The following NCAM1 variants were observed in gnomAD, a reference collection of about 807,000 sequenced individuals.
NCAM1 encodes the protein neural cell adhesion molecule 1, also known as antigen recognized by monoclonal antibody 5.1H11.
Under a neutral mutation model 109.8 loss-of-function variants are expected in NCAM1, and 14 were observed. The observed-to-expected ratio is 0.13, with a 90% CI of 0.08 to 0.20. The LOEUF (loss-of-function observed/expected upper bound fraction) is 0.20. NCAM1 is among the 10% of genes least tolerant of loss of function. The pLI is 1.00. For missense variants in NCAM1, 774 were observed against 1,109.9 expected (o/e 0.70, Z 4.30); for synonymous variants, 418 against 442.9 (o/e 0.94, Z 0.70).
At chr11:113,095,330 G>A (rs1226896154) in intron 1 of NCAM1, among the ~76,000 whole-genome samples, 3 of 152,140 alleles carry the variant, frequency 2.0e-5, no homozygotes, top group Non-Finnish European at 4.4e-5. Context: ...GTGTGTGTGT[G>A]TATATGTATG....
At chr11:113,082,104 A>G (rs1379688299) in intron 1 of NCAM1, among the ~76,000 whole-genome samples, 1 of 151,980 alleles carries the variant, frequency 6.6e-6, no homozygotes, top group Non-Finnish European at 1.5e-5. Context: ...CTTTTTTTCT[A>G]TTATCATTCT....
intron 1 of NCAM1, among the ~76,000 whole-genome samples, chr11:113,098,040 T>C (rs1939690059): frequency 6.6e-6 from 1 of 152,210 alleles, no homozygotes; most frequent in African/African-American, 2.4e-5. Context: ...TTTTCTAATA[T>C]TCATGCATTG....
Position 113,277,492 on chromosome 11 carries a change from TGA to T in NCAM1, c.*2109_*2110del. On this transcript the variant is annotated 3_prime_UTR_variant, in exon 20 of 20. Transcript: ENST00000316851. ...AGATCTTAGAGCACACAGTAGAATG[TGA>T]GAGCCTGGGTGTCTGAGACCGGGAG... 2.5e-6 allele frequency: 1 copy of T among 398,936 alleles called. No individual in the cohort carries two copies. Among genetic ancestry groups the T allele is most frequent in the Non-Finnish European group, 4.4e-6 (1 of 226,050 alleles). 24.7% of individuals were successfully genotyped at this position (398,936 alleles called of 1,614,324 possible).
At chr11:113,163,517 C>A (rs1441501909) in intron 1 of NCAM1, among the ~76,000 whole-genome samples, 1 of 152,092 alleles carries the variant, frequency 6.6e-6, no homozygotes, top group Non-Finnish European at 1.5e-5. Context: ...TGGGAATTGT[C>A]AAGAGTGTTA....
In NCAM1 at chr11:113,237,355, C is replaced by A. The variant is rs572383949; in HGVS notation, c.1825+2191C>A. On this transcript the variant is annotated intron_variant, in intron 14 of 19. Transcript: ENST00000316851. ...CTGAAAGGTACCCAAGGAAGCTTAT[C>A]TTTTTAACATTATTCAGAAATATTG... Among the ~76,000 whole-genome samples, 22 of 152,322 alleles carry A rather than the reference C, an allele frequency of 1.4e-4. No homozygotes were observed. The South Asian group carries it at 4.3e-3, about 30-fold the overall frequency.
At chr11:113,088,716 AT>A (rs1939202739) in intron 1 of NCAM1, among the ~76,000 whole-genome samples, 2 of 152,068 alleles carry the variant, frequency 1.3e-5, no homozygotes, top group African/African-American at 4.8e-5. Flanking sequence ...AATTTGTCAT[AT>A]TTCTCTCACT....
intron 1 of NCAM1, among the ~76,000 whole-genome samples, chr11:113,044,281 G>A (rs1046998714): frequency 2.6e-5 from 4 of 152,082 alleles, no homozygotes; most frequent in Admixed American, 2.6e-4. Context: ...TGACTTTTGA[G>A]GGAGGATAAG....
At chr11:113,060,700 T>TTTTAAAATTTTTATA (rs1404988087) in intron 1 of NCAM1, among the ~76,000 whole-genome samples, 1 of 152,238 alleles carries the variant, frequency 6.6e-6, no homozygotes, top group Non-Finnish European at 1.5e-5. Context: ...CAGATTTTAT[T>TTTTAAAATTTTTATA]TTTAAAATTT....
intron 1 of NCAM1, among the ~76,000 whole-genome samples, chr11:113,139,671 T>G (rs1417061517): frequency 6.6e-6 from 1 of 152,168 alleles, no homozygotes; most frequent in Non-Finnish European, 1.5e-5. Flanking sequence ...TTTGTAATCT[T>G]TTGGGTAGAG....
chr11:113,250,108 C>T (rs1354620792), intron 15 of NCAM1, among the ~76,000 whole-genome samples: 5 of 152,156 alleles, frequency 3.3e-5, no homozygotes, highest in African/African-American at 4.8e-5. Flanking sequence ...GAAAAGGGTT[C>T]AGGGAAAAAC....
At chr11:112,976,012 T>C (rs977458894) in intron 1 of NCAM1, among the ~76,000 whole-genome samples, 2 of 151,908 alleles carry the variant, frequency 1.3e-5, no homozygotes, top group Admixed American at 6.6e-5. Flanking sequence ...GTAGATACTT[T>C]TGAAGTCACT....
At chr11:113,129,997 A>G (rs551232743) in intron 1 of NCAM1, among the ~76,000 whole-genome samples, 1 of 152,286 alleles carries the variant, frequency 6.6e-6, no homozygotes, top group South Asian at 2.1e-4. Flanking sequence ...AACAGCACTT[A>G]TGGCCCTCTG....
intron 7 of NCAM1, among the ~76,000 whole-genome samples, 165 bp from the exon 8 acceptor site, chr11:113,214,204 C>T (rs1944462963): frequency 6.6e-6 from 1 of 152,236 alleles, no homozygotes; most frequent in Non-Finnish European, 1.5e-5. Context: ...CACATGCCTA[C>T]ATCATTGTAA....
chr11:113,016,240 A>G (rs1326663758), intron 1 of NCAM1, among the ~76,000 whole-genome samples: 1 of 152,172 alleles, frequency 6.6e-6, no homozygotes, highest in African/African-American at 2.4e-5. Context: ...TTTCATCCTC[A>G]TGGCAGCCTT....
At chr11:113,104,989 G>A (rs541895769) in intron 1 of NCAM1, among the ~76,000 whole-genome samples, 3 of 152,260 alleles carry the variant, frequency 2.0e-5, no homozygotes, top group African/African-American at 7.2e-5. Context: ...TGTCACAGTC[G>A]AAGGGAACAT....
At chr11:112,977,065 A>G (rs997631198) in intron 1 of NCAM1, among the ~76,000 whole-genome samples, 16 of 151,784 alleles carry the variant, frequency 1.1e-4, no homozygotes, top group Admixed American at 2.6e-4. Context: ...ATCTTTATTA[A>G]GGAAGGCCTA....
chr11:113,106,337 CAAAAT>C (rs1189853139), intron 1 of NCAM1, among the ~76,000 whole-genome samples: 1 of 152,166 alleles, frequency 6.6e-6, no homozygotes, highest in African/African-American at 2.4e-5. Flanking sequence ...CATTATGGTT[CAAAAT>C]ATAGCCAACA....
At chr11:112,970,543 T>C (rs914996690) in intron 1 of NCAM1, among the ~76,000 whole-genome samples, 4 of 152,040 alleles carry the variant, frequency 2.6e-5, no homozygotes, top group Non-Finnish European at 5.9e-5. Context: ...AAGATCTGGG[T>C]TCAAGAAGTT....
At chr11:113,220,062 C>T (rs1418630721) in intron 8 of NCAM1, among the ~76,000 whole-genome samples, 1 of 152,132 alleles carries the variant, frequency 6.6e-6, no homozygotes, top group Non-Finnish European at 1.5e-5. Flanking sequence ...ATCCTTTTTC[C>T]ATCTGAACAT....
Sources: gnomAD v4.1 joint callset for allele counts (sites outside exome capture counted in the v4.1 genomes callset) on GRCh38, gnomAD v4.1.1 for gene constraint, MANE v1.5 for transcripts, NCBI Gene and HGNC (gene_info 2026-07-23, HGNC 2026-07-21) for gene names.